The following ANKRD33B variants were observed in gnomAD, a reference collection of about 807,000 sequenced individuals.
The protein encoded by ANKRD33B is ankyrin repeat domain 33B.
In ANKRD33B, 6 loss-of-function variants were observed where a neutral mutation model predicts 21.5. The ratio of observed to expected loss-of-function variants is 0.28; its 90% CI spans 0.15 to 0.55. ANKRD33B has a LOEUF of 0.55. ANKRD33B is among the 20% of genes least tolerant of loss of function. The probability of loss-of-function intolerance (pLI) is 0.94; values close to 1 mark genes in which losing one functional copy is unlikely to be tolerated. For synonymous variants in ANKRD33B, 347 were observed against 342.4 expected (o/e 1.01, Z -0.15); for missense variants, 698 against 747.2 (o/e 0.93, Z 0.77).
rs751836850 is a variant in ANKRD33B, at chr5:10,638,150, C to T, written c.619C>T (p.Arg207Ter). 1.4e-5 allele frequency: 21 copies of T among 1,537,298 alleles called. No homozygotes were observed. The highest frequency in any genetic ancestry group is 2.4e-5 in the East Asian group (1 of 41,070). The change falls in exon 3 of 4, where the codon CGA (arginine) becomes TGA (stop). Residue 207 changes from arginine (R) to a stop codon, truncating the protein, a stop_gained. Coordinates refer to ENST00000296657, the MANE Select transcript of ANKRD33B (RefSeq NM_001164440.2). LOFTEE classifies it low-confidence loss of function (END_TRUNC). ...CATGCAGGGTCGAACGGACTGCATC[C>T]GAGCCCTGATGCTAGCAGGTATGTC... is the stretch of plus-strand genomic sequence containing the variant. Reference protein sequence around the residue: ...AAMQGRTDCIRALMLAGADVH... With the variant: ...AAMQGRTDCI
chr5:10,647,917 T>G (rs571399776), intron 3 of ANKRD33B, among the ~76,000 whole-genome samples: 2 of 152,338 alleles, frequency 1.3e-5, no homozygotes, highest in East Asian at 3.9e-4. Flanking sequence ...AAAATACCTT[T>G]GGGGCAACAC....
At chr5:10,641,106 C>T (rs773622779) in intron 3 of ANKRD33B, among the ~76,000 whole-genome samples, 17 of 152,156 alleles carry the variant, frequency 1.1e-4, no homozygotes, top group Non-Finnish European at 2.2e-4. Flanking sequence ...AGGGTGGCAT[C>T]AGAGTTTTCC....
chr5:10,647,308 A>G (rs1207001659), intron 3 of ANKRD33B, among the ~76,000 whole-genome samples: 4 of 152,010 alleles, frequency 2.6e-5, no homozygotes, highest in Admixed American at 2.0e-4. Context: ...GGGTTTCACC[A>G]TGTATTGGCC....
chr5:10,590,027 CT>C (rs1735647680), intron 1 of ANKRD33B, among the ~76,000 whole-genome samples: 1 of 151,402 alleles, frequency 6.6e-6, no homozygotes, highest in Admixed American at 6.6e-5. Flanking sequence ...TTACCCTAAT[CT>C]ACTATTTAAT....
chr5:10,648,316 C>G (rs1370481244), intron 3 of ANKRD33B, among the ~76,000 whole-genome samples: 3 of 152,240 alleles, frequency 2.0e-5, no homozygotes, highest in African/African-American at 7.2e-5. Flanking sequence ...AAGAGTGAGA[C>G]CACAGCTGGG....
At chr5:10,616,236 C>T (rs1306483362) in intron 1 of ANKRD33B, among the ~76,000 whole-genome samples, 1 of 152,106 alleles carries the variant, frequency 6.6e-6, no homozygotes, top group African/African-American at 2.4e-5. Context: ...GGCAGGGCTA[C>T]TCGAGTCCTC....
intron 1 of ANKRD33B, among the ~76,000 whole-genome samples, chr5:10,571,282 A>T (rs1174165903): frequency 1.3e-5 from 2 of 151,890 alleles, no homozygotes; most frequent in African/African-American, 4.8e-5. Flanking sequence ...GCCCACTGCA[A>T]CCTCCACCTC....
At chr5:10,623,623 A>G (rs1164601655) in intron 2 of ANKRD33B, among the ~76,000 whole-genome samples, 3 of 152,212 alleles carry the variant, frequency 2.0e-5, no homozygotes, top group Admixed American at 2.0e-4. Context: ...AGACTGTGGC[A>G]GGTGGGAAGC....
chr5:10,657,619 C>A lies in ANKRD33B; in HGVS notation c.*7506C>A, dbSNP rs767794580. ...ACCTACAAATAAATGTGATTCCCAG[C>A]AGCTTCAATTTTTGATATTCAAAAA... On this transcript the variant is annotated 3_prime_UTR_variant, in exon 4 of 4. Coordinates refer to ENST00000296657, the MANE Select transcript of ANKRD33B (RefSeq NM_001164440.2). The A allele has an allele frequency of 1.3e-5, 2 of 152,328 alleles. No individual in the cohort carries two copies. The highest frequency in any genetic ancestry group is 2.9e-5 in the Non-Finnish European group (2 of 68,032). The allele number at this position is 152,328 out of a possible 1,614,324, so 9.4% of individuals were successfully genotyped here. A position where few individuals can be genotyped will look rare whatever the true frequency, so the allele number is the denominator to read the frequency against.
chr5:10,570,255 C>T (rs921396165), intron 1 of ANKRD33B, among the ~76,000 whole-genome samples: 14 of 152,346 alleles, frequency 9.2e-5, no homozygotes, highest in African/African-American at 2.4e-4. Context: ...CAAAACCTTA[C>T]AGGTGTTTAC....
At chr5:10,618,018 C>T (rs1002507744) in intron 1 of ANKRD33B, among the ~76,000 whole-genome samples, 16 of 152,216 alleles carry the variant, frequency 1.1e-4, no homozygotes, top group South Asian at 4.1e-4. Context: ...CGTGCTCTGT[C>T]GTTTATTTCT....
Position 10,650,155 on chromosome 5 carries a change from G to A in ANKRD33B, c.*42G>A, listed in dbSNP as rs1168431711. The A allele has an allele frequency of 2.8e-6, 4 of 1,430,832 alleles. No individual in the cohort carries two copies. The highest frequency in any genetic ancestry group is 2.8e-5 in the Admixed American group (1 of 35,944). The allele number at this position is 1,430,832 out of a possible 1,614,324, so 88.6% of individuals were successfully genotyped here. ...CGCTGGGGCCGGGGCTGGGGCCGGGGCGGGGCCGCAGGGCTGGGCGCGGAG... is the reference window on the plus strand; with the variant it reads ...CGCTGGGGCCGGGGCTGGGGCCGGGACGGGGCCGCAGGGCTGGGCGCGGAG... On this transcript the variant is annotated 3_prime_UTR_variant, in exon 4 of 4. Transcript: ENST00000296657.
chr5:10,586,004 C>A (rs375117287), intron 1 of ANKRD33B, among the ~76,000 whole-genome samples: 1 of 152,198 alleles, frequency 6.6e-6, no homozygotes, highest in Non-Finnish European at 1.5e-5. Context: ...TCATCAAGGA[C>A]CCAACAGGCA....
chr5:10,568,750 G>T (rs1217703792), intron 1 of ANKRD33B, among the ~76,000 whole-genome samples: 1 of 152,186 alleles, frequency 6.6e-6, no homozygotes, highest in Non-Finnish European at 1.5e-5. Flanking sequence ...GGCCAGGCTG[G>T]TGTTGAACTC....
In ANKRD33B at chr5:10,619,852, G is replaced by A. The variant is rs754606484; in HGVS notation, c.496+1390G>A. Among the ~76,000 whole-genome samples, 10 of 152,172 alleles carry A rather than the reference G, an allele frequency of 6.6e-5. No individual in the cohort carries two copies. Among genetic ancestry groups the A allele is most frequent in the East Asian group, 5.8e-4 (3 of 5,186 alleles). The stretch of plus-strand genomic sequence containing the variant: ...CAGCTCATGGGACAGAGAAACACAC[G>A]AAGCCCAGCACCATCTGTCTGCCGG... On this transcript the variant is annotated intron_variant, in intron 2 of 3. Transcript: ENST00000296657. This position sits in a 1 kb window ranked among gnomAD's most constrained non-coding sequence, Gnocchi z 4.5.
intron 2 of ANKRD33B, among the ~76,000 whole-genome samples, chr5:10,627,759 A>G (rs1349459843): frequency 6.6e-6 from 1 of 152,250 alleles, no homozygotes; most frequent in Non-Finnish European, 1.5e-5. Flanking sequence ...CGTTTCAAAT[A>G]AGAGAGTAGA....
chr5:10,647,011 T>C (rs1737202473), intron 3 of ANKRD33B, among the ~76,000 whole-genome samples: 1 of 152,200 alleles, frequency 6.6e-6, no homozygotes, highest in South Asian at 2.1e-4. Flanking sequence ...GTCTGTCGGG[T>C]CCGGTCCCCT....
chr5:10,630,558 G>C lies in ANKRD33B; in HGVS notation c.497-7470G>C, dbSNP rs999691549. 2.0e-5 allele frequency among the ~76,000 whole-genome samples: 3 copies of C among 152,168 alleles called. No homozygotes were observed. In the East Asian group the frequency reaches 5.8e-4, roughly 29 times the overall value. ...TCTGAAGGTTCACTAAAATCAACTT[G>C]CAAAAGGCAGGTGAATAAGAGAAGA... is the stretch of plus-strand genomic sequence containing the variant. On this transcript the variant is annotated intron_variant, in intron 2 of 3. Coordinates refer to ENST00000296657, the MANE Select transcript of ANKRD33B (RefSeq NM_001164440.2).
At chr5:10,589,044 AC>A (rs1055193842) in intron 1 of ANKRD33B, among the ~76,000 whole-genome samples, 1 of 151,996 alleles carries the variant, frequency 6.6e-6, no homozygotes, top group African/African-American at 2.4e-5. Context: ...GGTAGATAAG[AC>A]CCCATACCCT....
Sources: gnomAD v4.1 joint callset for allele counts (sites outside exome capture counted in the v4.1 genomes callset) on GRCh38, gnomAD v4.1.1 for gene constraint, Gnocchi (gnomAD v3.1) non-coding constraint, MANE v1.5 for transcripts, NCBI Gene and HGNC (gene_info 2026-07-23, HGNC 2026-07-21) for gene names.